Variants in PTPRO observed in about 807,000 individuals in gnomAD.
PTPRO encodes the protein receptor-type tyrosine-protein phosphatase O.
In PTPRO, 62 loss-of-function variants were observed where a neutral mutation model predicts 145.2. The ratio of observed to expected loss-of-function variants is 0.43; its 90% CI spans 0.35 to 0.53. PTPRO has a LOEUF of 0.53. Ranked by LOEUF, PTPRO falls within the 20% of genes least tolerant of loss-of-function variation. The pLI, the probability that PTPRO is intolerant of heterozygous loss-of-function variation, is 0.01. For missense variants in PTPRO, 1,345 were observed against 1,482.7 expected (o/e 0.91, Z 1.53); for synonymous variants, 565 against 514.7 (o/e 1.10, Z -1.32).
At chr12:15,452,892 G>C (rs1236142549) in intron 1 of PTPRO, among the ~76,000 whole-genome samples, 1 of 152,074 alleles carries the variant, frequency 6.6e-6, no homozygotes, top group African/African-American at 2.4e-5. Flanking sequence ...CTCTTTAATA[G>C]ATTGTTTCCA....
chr12:15,454,880 T>A (rs775390546), intron 1 of PTPRO, among the ~76,000 whole-genome samples: 10 of 152,178 alleles, frequency 6.6e-5, no homozygotes, highest in Admixed American at 2.0e-4. Context: ...ACATCTAGGA[T>A]CAATAAAACA....
At chr12:15,440,107 C>T (rs981943005) in intron 1 of PTPRO, 11 of 632,862 alleles carry the variant, frequency 1.7e-5, no homozygotes, top group Admixed American at 4.6e-5. Flanking sequence ...TGGTGCACCT[C>T]ATCCCTGAGT....
intron 7 of PTPRO, among the ~76,000 whole-genome samples, chr12:15,512,344 A>G (rs538391061): frequency 2.6e-5 from 4 of 151,306 alleles, no homozygotes; most frequent in South Asian, 2.1e-4. Context: ...CAAACTCCCA[A>G]CCTCAGGTGA....
At chr12:15,410,526 T>G (rs973900160) in intron 1 of PTPRO, 1 of 152,246 alleles carries the variant, frequency 6.6e-6, no homozygotes, top group African/African-American at 2.4e-5. Flanking sequence ...ATCTACACCA[T>G]TGACCCTCTA....
chr12:15,595,165 C>T (rs1944634370), intron 26 of PTPRO, 108 bp downstream of exon 26: 1 of 751,046 alleles, frequency 1.3e-6, no homozygotes, highest in Admixed American at 2.0e-5. Flanking sequence ...ACTCTGACTT[C>T]ACATGAGTAT....
At chr12:15,328,159 C>T (rs1216866088) in intron 1 of PTPRO, among the ~76,000 whole-genome samples, 1 of 151,520 alleles carries the variant, frequency 6.6e-6, no homozygotes, top group Non-Finnish European at 1.5e-5. Context: ...TAATTAAATA[C>T]CTCTCATGTA....
chr12:15,571,145 C>CT (rs1316265629), intron 19 of PTPRO, among the ~76,000 whole-genome samples: 3 of 152,104 alleles, frequency 2.0e-5, no homozygotes, highest in African/African-American at 7.2e-5. Flanking sequence ...AGGGGCCCCT[C>CT]TATTTCTCAT....
intron 1 of PTPRO, among the ~76,000 whole-genome samples, chr12:15,338,108 C>T (rs1358543372): frequency 6.6e-6 from 1 of 152,070 alleles, no homozygotes; most frequent in Non-Finnish European, 1.5e-5. Context: ...ATCAATTTCA[C>T]CTTTTGGATT....
chr12:15,368,873 T>C (rs1011419372), intron 1 of PTPRO, among the ~76,000 whole-genome samples: 2 of 152,210 alleles, frequency 1.3e-5, no homozygotes, highest in African/African-American at 4.8e-5. Context: ...GGTTGTCCCT[T>C]AGTTGAAAAT....
At chr12:15,524,670 G>A in intron 10 of PTPRO, 144 bp from the exon 11 acceptor site, 1 of 822,170 alleles carries the variant, frequency 1.2e-6, no homozygotes, top group South Asian at 1.5e-5. Flanking sequence ...CACTGTTATT[G>A]AGAGGTCCTG....
intron 5 of PTPRO, among the ~76,000 whole-genome samples, chr12:15,502,792 T>C (rs1942248249): frequency 6.6e-6 from 1 of 152,190 alleles, no homozygotes; most frequent in African/African-American, 2.4e-5. Context: ...TATGGTTATT[T>C]GTTGTTTGTT....
chr12:15,498,829 T>G (rs1591655346), intron 3 of PTPRO, among the ~76,000 whole-genome samples: 2 of 152,328 alleles, frequency 1.3e-5, no homozygotes, highest in African/African-American at 4.8e-5. Flanking sequence ...GTCAATTACT[T>G]TTTCAAACTA....
At chr12:15,554,060 G>A (rs1943548369) in intron 15 of PTPRO, among the ~76,000 whole-genome samples, 1 of 152,182 alleles carries the variant, frequency 6.6e-6, no homozygotes, top group Non-Finnish European at 1.5e-5. Flanking sequence ...TGGGCGTGGT[G>A]GCACATGCCT....
chr12:15,386,262 T>G (rs1243982810), intron 1 of PTPRO, among the ~76,000 whole-genome samples: 1 of 151,946 alleles, frequency 6.6e-6, no homozygotes, highest in East Asian at 1.9e-4. Context: ...ATAATTAAAA[T>G]AAGAATAAAT....
intron 1 of PTPRO, among the ~76,000 whole-genome samples, chr12:15,340,346 C>G (rs959362400): frequency 2.0e-5 from 3 of 152,116 alleles, no homozygotes; most frequent in African/African-American, 4.8e-5. Flanking sequence ...CTTCCTCTTA[C>G]TACGGAAATA....
chr12:15,585,478 G>A (rs1944411969), intron 23 of PTPRO, among the ~76,000 whole-genome samples: 1 of 152,172 alleles, frequency 6.6e-6, no homozygotes, highest in Non-Finnish European at 1.5e-5. Flanking sequence ...GATATATTAG[G>A]TGCCAAGGGT....
At chr12:15,389,868 A>G (rs531889535) in intron 1 of PTPRO, among the ~76,000 whole-genome samples, 2 of 152,344 alleles carry the variant, frequency 1.3e-5, no homozygotes, top group South Asian at 4.1e-4. Flanking sequence ...TCATGTTTCT[A>G]GAGTCTCCAA....
chr12:15,420,852 G>A (rs984248010), intron 1 of PTPRO, among the ~76,000 whole-genome samples: 2 of 152,250 alleles, frequency 1.3e-5, no homozygotes, highest in Admixed American at 6.5e-5. Context: ...CTCACGGGGC[G>A]TTTGTAAGAG....
intron 19 of PTPRO, 34 bp from the exon 20 acceptor site, chr12:15,578,819 T>C (rs752025124): frequency 2.7e-6 from 4 of 1,472,056 alleles, no homozygotes; most frequent in African/African-American, 1.4e-5. Context: ...ACACCACGTA[T>C]GGAACTCTCA....
Sources: allele counts gnomAD v4.1 joint callset (sites outside exome capture counted in the v4.1 genomes callset), GRCh38; gene constraint gnomAD v4.1.1; transcripts MANE v1.5; gene names NCBI Gene and HGNC (gene_info 2026-07-23, HGNC 2026-07-21).